PARD3: variants seen among roughly 807,000 people sequenced by gnomAD.
The protein encoded by PARD3 is partitioning defective 3 homolog.
PARD3 carries 75 observed loss-of-function variants against 155.4 expected under a neutral mutation model. The observed-to-expected ratio is 0.48, with a 90% CI of 0.40 to 0.58. The LOEUF is 0.58. Ranked by LOEUF, PARD3 falls within the 20% of genes least tolerant of loss-of-function variation. PARD3 has a pLI of 0.00. For missense variants in PARD3, 1,642 were observed against 1,721.7 expected, an observed-to-expected ratio of 0.95 and a Z score of 0.82; for synonymous variants, 576 against 610.5, an observed-to-expected ratio of 0.94 and a Z score of 0.83.
intron 19 of PARD3, among the ~76,000 whole-genome samples, chr10:34,326,396 T>G (rs879771061): frequency 1.3e-5 from 2 of 152,178 alleles, no homozygotes; most frequent in Admixed American, 1.3e-4. Flanking sequence ...CTTCTTAGCA[T>G]TTCAGAACAA....
At chr10:34,615,031 CTT>C (rs896241878) in intron 2 of PARD3, among the ~76,000 whole-genome samples, 9 of 151,832 alleles carry the variant, frequency 5.9e-5, no homozygotes, top group African/African-American at 1.7e-4. Context: ...ACAAAAAAAA[CTT>C]AGCCAGGCGT....
intron 4 of PARD3, among the ~76,000 whole-genome samples, chr10:34,465,286 C>T (rs990795813): frequency 2.6e-5 from 4 of 151,770 alleles, no homozygotes; most frequent in Non-Finnish European, 5.9e-5. Flanking sequence ...CATTACCGTA[C>T]ATATGCAAAG....
At chr10:34,803,716 T>C (rs757064729) in intron 1 of PARD3, among the ~76,000 whole-genome samples, 2 of 151,984 alleles carry the variant, frequency 1.3e-5, no homozygotes, top group East Asian at 1.9e-4. Flanking sequence ...GGTTGTAGAA[T>C]TGCTTGAACC....
chr10:34,261,825 G>GAAAGAAAGAAAGAAACAAAC (rs1238097146), intron 22 of PARD3, among the ~76,000 whole-genome samples: 6 of 138,990 alleles, frequency 4.3e-5, no homozygotes, highest in Non-Finnish European at 7.8e-5. Flanking sequence ...AAGAAAGAAA[G>GAAAGAAAGAAAGAAACAAAC]AAACAAACAA....
chr10:34,536,277 T>C (rs375293393), intron 2 of PARD3, among the ~76,000 whole-genome samples: 10 of 152,218 alleles, frequency 6.6e-5, no homozygotes, highest in African/African-American at 2.4e-4. Flanking sequence ...ACTTAAATCA[T>C]TTAATGTTGT....
At chr10:34,714,156 C>G (rs956183622) in intron 1 of PARD3, among the ~76,000 whole-genome samples, 1 of 152,140 alleles carries the variant, frequency 6.6e-6, no homozygotes, top group Non-Finnish European at 1.5e-5. Flanking sequence ...TAAACAAAAA[C>G]TTGACCCCGA....
At chr10:34,584,083 C>G (rs903275438) in intron 2 of PARD3, among the ~76,000 whole-genome samples, 1 of 152,232 alleles carries the variant, frequency 6.6e-6, no homozygotes, top group East Asian at 1.9e-4. Context: ...GCCTGGCATG[C>G]CCTACTGATT....
At chr10:34,644,965 T>C (rs1330477744) in intron 2 of PARD3, among the ~76,000 whole-genome samples, 3 of 152,152 alleles carry the variant, frequency 2.0e-5, no homozygotes, top group Non-Finnish European at 4.4e-5. Context: ...GCAATCCTTC[T>C]GCATCAGCCT....
chr10:34,279,400 A>AT (rs1956057500), intron 21 of PARD3, among the ~76,000 whole-genome samples: 1 of 151,924 alleles, frequency 6.6e-6, no homozygotes, highest in African/African-American at 2.4e-5. Flanking sequence ...TGCAATGAAA[A>AT]TTTTTTTAAA....
chr10:34,660,284 C>T (rs1158842328), intron 2 of PARD3, among the ~76,000 whole-genome samples: 1 of 152,096 alleles, frequency 6.6e-6, no homozygotes, highest in Admixed American at 6.6e-5. Flanking sequence ...AATTTCTAAA[C>T]ATTTCCTTGA....
chr10:34,368,730 C>T (rs1741747372), intron 12 of PARD3, among the ~76,000 whole-genome samples: 1 of 150,864 alleles, frequency 6.6e-6, no homozygotes, highest in Non-Finnish European at 1.5e-5. Context: ...ATTTGCAAAA[C>T]TGGTCACTGG....
At chr10:34,658,940 G>A (rs1287848452) in intron 2 of PARD3, among the ~76,000 whole-genome samples, 1 of 152,182 alleles carries the variant, frequency 6.6e-6, no homozygotes, top group Non-Finnish European at 1.5e-5. Context: ...TTATAATTGT[G>A]CATGTCACAG....
intron 2 of PARD3, among the ~76,000 whole-genome samples, chr10:34,665,879 A>ACCAGAACCAGAACCAGAAC (rs1564479812): frequency 3.3e-5 from 5 of 151,528 alleles, no homozygotes; most frequent in African/African-American, 1.2e-4. Context: ...ACAGAACAGA[A>ACCAGAACCAGAACCAGAAC]CAGAACAGAA....
intron 1 of PARD3, among the ~76,000 whole-genome samples, chr10:34,733,288 CATT>C (rs1216583920): frequency 1.3e-5 from 2 of 152,178 alleles, no homozygotes; most frequent in African/African-American, 2.4e-5. Context: ...TTCCCAGTAT[CATT>C]GACAGTGACT....
intron 2 of PARD3, among the ~76,000 whole-genome samples, chr10:34,559,210 G>T (rs772805251): frequency 6.6e-6 from 1 of 152,116 alleles, no homozygotes; most frequent in African/African-American, 2.4e-5. Context: ...AGCTCAATTT[G>T]ATTGAATTGA....
At chr10:34,173,788 A>T (rs917810628) in intron 22 of PARD3, among the ~76,000 whole-genome samples, 4 of 152,164 alleles carry the variant, frequency 2.6e-5, no homozygotes, top group Non-Finnish European at 4.4e-5. Context: ...TGAATAAGCC[A>T]CCCAGTCACT....
intron 2 of PARD3, among the ~76,000 whole-genome samples, chr10:34,674,827 CCCGGT>C (rs1380808211): frequency 2.0e-5 from 3 of 152,160 alleles, no homozygotes; most frequent in Non-Finnish European, 4.4e-5. Flanking sequence ...CAAGAACCTT[CCCGGT>C]CTAAGCCCAA....
intron 2 of PARD3, among the ~76,000 whole-genome samples, chr10:34,687,249 T>TCC (rs966521201): frequency 6.6e-6 from 1 of 151,878 alleles, no homozygotes; most frequent in Non-Finnish European, 1.5e-5. Flanking sequence ...CAAAACAACA[T>TCC]CAGTATGTAA....
At chr10:34,188,500 G>A (rs1950575752) in intron 22 of PARD3, among the ~76,000 whole-genome samples, 1 of 152,102 alleles carries the variant, frequency 6.6e-6, no homozygotes, top group Admixed American at 6.5e-5. Flanking sequence ...GGCCAGAAAA[G>A]AATTGCCCAG....
Sources: allele counts gnomAD v4.1 joint callset (sites outside exome capture counted in the v4.1 genomes callset), GRCh38; gene constraint gnomAD v4.1.1; transcripts MANE v1.5; gene names NCBI Gene and HGNC (gene_info 2026-07-23, HGNC 2026-07-21).